Variants in GRIP1 observed in about 807,000 individuals in gnomAD.
The protein encoded by GRIP1 is glutamate receptor-interacting protein 1.
A neutral mutation model predicts 129.9 loss-of-function variants in GRIP1; 45 were observed. The observed-to-expected ratio is 0.35, with a 90% CI of 0.27 to 0.44. GRIP1 has a LOEUF of 0.44. GRIP1 is among the 20% of genes least tolerant of loss of function. The pLI, the probability that GRIP1 is intolerant of heterozygous loss-of-function variation, is 1.00. For synonymous variants in GRIP1, 530 were observed against 520.8 expected (o/e 1.02, Z -0.24); for missense variants, 1,196 against 1,396.8 (o/e 0.86, Z 2.29).
At chr12:66,843,998 T>A (rs974955188) in intron 1 of GRIP1, among the ~76,000 whole-genome samples, 12 of 152,080 alleles carry the variant, frequency 7.9e-5, no homozygotes, top group Non-Finnish European at 1.6e-4. Flanking sequence ...AATAACACAA[T>A]CAACATATTG....
intron 1 of GRIP1, among the ~76,000 whole-genome samples, chr12:66,952,088 GGCAGGGAAGAA>G (rs959210937): frequency 2.0e-5 from 3 of 152,012 alleles, no homozygotes; most frequent in African/African-American, 7.2e-5. Flanking sequence ...AAGAGGAGAG[GGCAGGGAAGAA>G]GCAGGGAAGG....
At chr12:67,055,039 G>A (rs1334206222) in intron 1 of GRIP1, among the ~76,000 whole-genome samples, 1 of 152,082 alleles carries the variant, frequency 6.6e-6, no homozygotes, top group African/African-American at 2.4e-5. Flanking sequence ...AATAGAATAG[G>A]GCACAAAAAC....
chr12:67,052,178 A>G, intron 1 of GRIP1, among the ~76,000 whole-genome samples: 1 of 152,194 alleles, frequency 6.6e-6, no homozygotes, highest in East Asian at 1.9e-4. Flanking sequence ...AAATATTTTT[A>G]ACAAGAAGTT....
Position 67,036,113 on chromosome 12 carries a change from C to T in GRIP1, c.58+32937G>A, listed in dbSNP as rs1022686744. On this transcript the variant is annotated intron_variant, in intron 1 of 1. Transcript: ENST00000643019. ...GACATCAGGTTCATCACCATTGTTT[C>T]ACCATTGCAACCAGAGGCTTGGGTT... 4.6e-5 allele frequency among the ~76,000 whole-genome samples: 7 copies of T among 152,278 alleles called. 1 individual carries two copies. Among genetic ancestry groups the T allele is most frequent in the Admixed American group, 2.6e-4 (4 of 15,284 alleles).
intron 11 of GRIP1, among the ~76,000 whole-genome samples, chr12:66,452,985 C>T (rs1436764702): frequency 6.6e-6 from 1 of 152,144 alleles, no homozygotes; most frequent in East Asian, 1.9e-4. Flanking sequence ...TCCTGAGACA[C>T]ATTTATAAAC....
intron 1 of GRIP1, among the ~76,000 whole-genome samples, chr12:66,754,641 C>A (rs2037231061): frequency 6.6e-6 from 1 of 152,164 alleles, no homozygotes; most frequent in African/African-American, 2.4e-5. Context: ...TAAACCACTG[C>A]CCTTTAACAC....
chr12:66,968,306 C>T (rs748553556), intron 1 of GRIP1, among the ~76,000 whole-genome samples: 10 of 152,098 alleles, frequency 6.6e-5, no homozygotes, highest in Non-Finnish European at 1.2e-4. Context: ...TATAATTCTC[C>T]ATCCCTTTAC....
chr12:66,843,342 A>G (rs140765540), intron 1 of GRIP1, among the ~76,000 whole-genome samples: 24 of 152,258 alleles, frequency 1.6e-4, no homozygotes, highest in Middle Eastern at 6.8e-3. Context: ...ATTGAATATG[A>G]GAATGAAATT....
chr12:66,365,136 T>G (rs1357868287), intron 23 of GRIP1, among the ~76,000 whole-genome samples: 1 of 151,886 alleles, frequency 6.6e-6, no homozygotes, highest in Non-Finnish European at 1.5e-5. Context: ...AAATAAAACT[T>G]TAATGATTAT....
chr12:66,959,954 T>C (rs1592394685), intron 1 of GRIP1, among the ~76,000 whole-genome samples: 1 of 152,220 alleles, frequency 6.6e-6, no homozygotes, highest in Middle Eastern at 3.4e-3. Context: ...ATATATATCC[T>C]TAAGTGTAGA....
intron 1 of GRIP1, among the ~76,000 whole-genome samples, chr12:66,910,635 G>A (rs528581593): frequency 6.6e-6 from 1 of 152,164 alleles, no homozygotes; most frequent in South Asian, 2.1e-4. Flanking sequence ...AAAACATTTT[G>A]AGGACAAGGA....
At chr12:66,727,607 A>C (rs1767780544) in intron 1 of GRIP1, among the ~76,000 whole-genome samples, 1 of 152,218 alleles carries the variant, frequency 6.6e-6, no homozygotes, top group Non-Finnish European at 1.5e-5. Flanking sequence ...ATGCTGCATT[A>C]ATGGAACAAA....
intron 1 of GRIP1, among the ~76,000 whole-genome samples, chr12:67,045,742 C>G (rs1310971509): frequency 3.3e-5 from 5 of 152,144 alleles, no homozygotes; most frequent in African/African-American, 1.2e-4. Flanking sequence ...GTCCAGACCA[C>G]CCTGGAAGCT....
chr12:67,046,274 G>GC (rs1228006123), intron 1 of GRIP1, among the ~76,000 whole-genome samples: 1 of 152,118 alleles, frequency 6.6e-6, no homozygotes, highest in African/African-American at 2.4e-5. Context: ...GGCAGGAGGA[G>GC]CCCTCCCCTC....
At chr12:66,528,411 A>G (rs1261847006) in intron 5 of GRIP1, among the ~76,000 whole-genome samples, 1 of 152,166 alleles carries the variant, frequency 6.6e-6, no homozygotes, top group Non-Finnish European at 1.5e-5. Flanking sequence ...TGCTGGGATT[A>G]CAGGCGTGAG....
chr12:66,349,146 A>G lies in GRIP1; in HGVS notation c.3260T>C (p.Leu1087Pro). ...TTGGTCTATAGACTTCTGTGAAGCC[A>G]GTGGGTTTCTACTAATAACCAGGTC... ...KLDLVISRNPLASQKSIDQQS... is the reference protein window; with the variant it reads ...KLDLVISRNPPASQKSIDQQS... The change falls in exon 25 of 25, where the codon CTG (leucine) becomes CCG (proline). Residue 1087 changes from leucine to proline, a missense_variant. Around this residue, in one of 5 missense-constraint regions of GRIP1, gnomAD observed 427 missense variants for 463.3 expected, o/e 0.92. Coordinates refer to ENST00000359742, the MANE Select transcript of GRIP1 (RefSeq NM_001366722.1). 1 of 1,613,890 alleles carries G rather than the reference A, an allele frequency of 6.2e-7. No homozygotes were observed. Among genetic ancestry groups the G allele is most frequent in the Admixed American group, 1.7e-5 (1 of 60,018 alleles).
At chr12:66,560,713 TG>T (rs2062495685) in intron 2 of GRIP1, among the ~76,000 whole-genome samples, 1 of 152,134 alleles carries the variant, frequency 6.6e-6, no homozygotes. Context: ...TGTACACTGT[TG>T]GTGGGAATAT....
chr12:66,360,415 T>C (rs539781242), intron 23 of GRIP1, among the ~76,000 whole-genome samples: 77 of 152,146 alleles, frequency 5.1e-4, no homozygotes, highest in Non-Finnish European at 9.0e-4. Context: ...AAAATTTTTC[T>C]TGTAGGGTCT....
chr12:66,512,335 G>A (rs2060723292), intron 7 of GRIP1, among the ~76,000 whole-genome samples: 6 of 152,132 alleles, frequency 3.9e-5, no homozygotes, highest in Admixed American at 3.9e-4. Context: ...GATAGAAGAT[G>A]TGGGAAAGTT....
Sources: allele counts gnomAD v4.1 joint callset (sites outside exome capture counted in the v4.1 genomes callset), GRCh38; gene constraint gnomAD v4.1.1; regional missense constraint gnomAD v4.1.1; transcripts MANE v1.5; gene names NCBI Gene and HGNC (gene_info 2026-07-23, HGNC 2026-07-21).